TRIM72: variants seen among roughly 807,000 people sequenced by gnomAD.
The protein encoded by TRIM72 is tripartite motif-containing protein 72.
TRIM72 carries 33 observed loss-of-function variants against 31.6 expected under a neutral mutation model. The ratio of observed to expected loss-of-function variants is 1.04; its 90% CI spans 0.79 to 1.40. The LOEUF is 1.40. Among genes scored for constraint, TRIM72 ranks in the 40% most tolerant of loss-of-function variants. TRIM72 has a pLI of 0.00. For synonymous variants in TRIM72, 301 were observed against 314.4 expected (o/e 0.96, Z 0.45); for missense variants, 666 against 682.7 (o/e 0.98, Z 0.27).
At chr16:31,220,869 C>T (rs2079530393) in intron 4 of TRIM72, 27 bp from the exon 5 acceptor site, 2 of 1,614,138 alleles carry the variant, frequency 1.2e-6, no homozygotes, top group East Asian at 4.5e-5. Flanking sequence ...TCGGCTTCAC[C>T]ACCATTCTCT....
At position 31,224,892 on chromosome 16, in the gene TRIM72, C is replaced by T. The variant is rs1449371944; in HGVS notation, c.*137C>T. On this transcript the variant is annotated 3_prime_UTR_variant, in exon 7 of 7. Transcript: ENST00000322122. ...GGGAACTGGGGGATCTCCCAGAATA[C>T]TGACAAGCGTGGGGTAGGACTGGCT... 6 of 914,850 alleles carry T rather than the reference C, an allele frequency of 6.6e-6. No homozygotes were observed. Among genetic ancestry groups the T allele is most frequent in the African/African-American group, 1.7e-5 (1 of 57,824 alleles). The allele number at this position is 914,850 out of a possible 1,614,324, so 56.7% of individuals were successfully genotyped here. A position where few individuals can be genotyped will look rare whatever the true frequency, so the allele number is the denominator to read the frequency against.
chr16:31,217,246 G>A (rs2079514576), intron 2 of TRIM72: 4 of 578,942 alleles, frequency 6.9e-6, no homozygotes, highest in Non-Finnish European at 1.2e-5. Flanking sequence ...CCAAATTGTT[G>A]AGGTGGGGAT....
At chr16:31,223,646 G>A (rs2079543012) in intron 6 of TRIM72, among the ~76,000 whole-genome samples, 1 of 152,142 alleles carries the variant, frequency 6.6e-6, no homozygotes, top group Non-Finnish European at 1.5e-5. Context: ...GCTCACGCTT[G>A]TAATCCCAGA....
At position 31,216,933 on chromosome 16, in the gene TRIM72, C is replaced by T. The variant is rs140415359; in HGVS notation, c.390+1805C>T. 48 of 1,614,036 alleles carry T rather than the reference C, an allele frequency of 3.0e-5. No individual in the cohort carries two copies. In the African/African-American group the frequency reaches 4.4e-4, roughly 15 times the overall value. ...GCGGGATGCGCTCAAAGCCCTCGCG[C>T]AGCGGCACCGTCCCCAGCTTCATCT... On this transcript the variant is annotated intron_variant, in intron 2 of 6. Coordinates refer to ENST00000322122, the MANE Select transcript of TRIM72 (RefSeq NM_001008274.4). This position sits in a 1 kb window ranked among gnomAD's most constrained non-coding sequence, Gnocchi z 6.7.
rs1309977644 is a variant in TRIM72 at position 31,219,124 on chromosome 16, G to A, written c.420G>A (p.Leu140=). 6.3e-7 allele frequency: 1 copy of A among 1,592,386 alleles called. No individual in the cohort carries two copies. Among genetic ancestry groups the A allele is most frequent in the Non-Finnish European group, 8.6e-7 (1 of 1,169,280 alleles). Residue 140 remains leucine, a synonymous_variant, in exon 3 of 7, where the codon CTG becomes CTA. Coordinates refer to ENST00000322122, the MANE Select transcript of TRIM72 (RefSeq NM_001008274.4). This position sits in a 1 kb window ranked among gnomAD's most constrained non-coding sequence, Gnocchi z 4.2. ...KTQLPQQKLQ[L]QEACMRKEKS... ...AGCTGCCACAGCAGAAACTGCAGCT[G>A]CAGGAGGCATGCATGCGCAAGGAGA...
chr16:31,216,920 C>T lies in TRIM72; in HGVS notation c.390+1792C>T. ...CCGAGCGCGCCCCGCGGGATGCGCT[C>T]AAAGCCCTCGCGCAGCGGCACCGTC... On this transcript the variant is annotated intron_variant, in intron 2 of 6. Coordinates refer to ENST00000322122, the MANE Select transcript of TRIM72 (RefSeq NM_001008274.4). The surrounding 1 kb of genome is among the most constrained non-coding windows in gnomAD (Gnocchi z 6.7). The T allele has an allele frequency of 6.2e-7, 1 of 1,614,126 alleles. No homozygotes were observed. Among genetic ancestry groups the T allele is most frequent in the Non-Finnish European group, 8.5e-7 (1 of 1,180,032 alleles).
At position 31,214,879 on chromosome 16, in the gene TRIM72, G is replaced by A. The variant is rs1432627388; in HGVS notation, c.141G>A (p.Ala47=). Residue 47 remains alanine, a synonymous_variant, in exon 2 of 7, where the codon GCG becomes GCA. Transcript: ENST00000322122. ...GCCGCGTGGCCGGGGAGCCGGCGGC[G>A]GATGGCACCGTTCTCTGCCCCTGCT... is the stretch of plus-strand genomic sequence containing the variant. ...CLGRVAGEPA[A]DGTVLCPCCQ... 2.6e-6 allele frequency: 4 copies of A among 1,528,514 alleles called. No homozygotes were observed. Among genetic ancestry groups the A allele is most frequent in the Non-Finnish European group, 3.5e-6 (4 of 1,145,710 alleles). 94.7% of individuals were successfully genotyped at this position (1,528,514 alleles called of 1,614,324 possible). A position where few individuals can be genotyped will look rare whatever the true frequency, so the allele number is the denominator to read the frequency against.
Position 31,224,424 on chromosome 16 carries a change from G to C in TRIM72, c.1103G>C (p.Arg368Pro), listed in dbSNP as rs1234344465. The part of the protein sequence containing the change: ...ALGVIAAEAP[R>P]RGRLHAVPSQ... The stretch of plus-strand genomic sequence containing the variant: ...GGCGTGATCGCGGCCGAGGCCCCCC[G>C]CCGCGGGCGCCTGCACGCGGTGCCC... The change falls in exon 7 of 7, where the codon CGC (arginine) becomes CCC (proline). Residue 368 changes from arginine to proline, a missense_variant. Coordinates refer to ENST00000322122, the MANE Select transcript of TRIM72 (RefSeq NM_001008274.4). The C allele has an allele frequency of 4.2e-6, 6 of 1,420,304 alleles. No homozygotes were observed. The highest frequency in any genetic ancestry group is 3.4e-5 in the Admixed American group (1 of 29,114). The allele number at this position is 1,420,304 out of a possible 1,614,324, so 88.0% of individuals were successfully genotyped here.
intron 5 of TRIM72, among the ~76,000 whole-genome samples, chr16:31,222,068 T>C (rs2079536701): frequency 6.6e-6 from 1 of 152,108 alleles, no homozygotes; most frequent in Non-Finnish European, 1.5e-5. Context: ...GCTGAGAGGC[T>C]TGGACCTTAT....
rs1334866602 is a variant in TRIM72 at position 31,220,792 on chromosome 16, T to C, written c.718-104T>C. On this transcript the variant is annotated intron_variant, in intron 4 of 6. Coordinates refer to ENST00000322122, the MANE Select transcript of TRIM72 (RefSeq NM_001008274.4). Reference sequence around the variant, plus strand: ...GGCCTCTTTTAGCTTTTCTGATTCTTTCTGACGTTGCACTCAGCATTCCTA... The same window carrying C: ...GGCCTCTTTTAGCTTTTCTGATTCTCTCTGACGTTGCACTCAGCATTCCTA... 4.1e-6 allele frequency: 6 copies of C among 1,454,770 alleles called. No homozygotes were observed. In the East Asian group the frequency reaches 1.4e-4, roughly 33 times the overall value. The allele number at this position is 1,454,770 out of a possible 1,614,324, so 90.1% of individuals were successfully genotyped here.
chr16:31,217,254 G>C (rs953701274), intron 2 of TRIM72: 23 of 570,516 alleles, frequency 4.0e-5, no homozygotes, highest in Non-Finnish European at 6.5e-5. Context: ...TTGAGGTGGG[G>C]ATTGCTGTTC....
rs200219183 is a variant in TRIM72, at chr16:31,222,899, C to T, written c.813C>T (p.Asp271=). ...LDIQLPIISD[D]FKFQVWRKMF... Reference sequence around the variant, plus strand: ...TCCAGCTGCCAATTATCTCAGATGACTTCAAATTCCAGGTGTGGAGGAAGA... The same window carrying T: ...TCCAGCTGCCAATTATCTCAGATGATTTCAAATTCCAGGTGTGGAGGAAGA... Residue 271 remains aspartate (D), a synonymous_variant, in exon 6 of 7, where the codon GAC becomes GAT. Transcript: ENST00000322122. 2.3e-4 allele frequency: 359 copies of T among 1,553,706 alleles called. 4 individuals are homozygous for T. Among genetic ancestry groups the T allele is most frequent in the Non-Finnish European group, 3.8e-5 (44 of 1,153,352 alleles).
Position 31,216,805 on chromosome 16 carries a change from T to C in TRIM72, c.390+1677T>C. The C allele has an allele frequency of 6.2e-7, 1 of 1,611,244 alleles. No homozygotes were observed. The highest frequency in any genetic ancestry group is 8.5e-7 in the Non-Finnish European group (1 of 1,178,112). On this transcript the variant is annotated intron_variant, in intron 2 of 6. Coordinates refer to ENST00000322122, the MANE Select transcript of TRIM72 (RefSeq NM_001008274.4). This position sits in a 1 kb window ranked among gnomAD's most constrained non-coding sequence, Gnocchi z 6.7. ...TGCGGCCTCCTCCAACATGCGCATG[T>C]CGCGCAGCACGGCCACGACGAGCTC...
Position 31,224,703 on chromosome 16 carries a change from G to T in TRIM72, c.1382G>T (p.Gly461Val), listed in dbSNP as rs2144200265. ...PFFDVCWHDKGKNAQPLLLVG... is the reference protein window; with the variant it reads ...PFFDVCWHDKVKNAQPLLLVG... ...TTCGACGTGTGCTGGCACGACAAGG[G>T]CAAGAATGCCCAGCCGCTGCTGCTC... The change falls in exon 7 of 7, where the codon GGC (glycine) becomes GTC (valine). Residue 461 changes from glycine to valine, a missense_variant. By Grantham distance (109) the Gly-to-Val change is moderately radical (BLOSUM62 -3). Coordinates refer to ENST00000322122, the MANE Select transcript of TRIM72 (RefSeq NM_001008274.4). The T allele has an allele frequency of 6.5e-7, 1 of 1,536,314 alleles. No homozygotes were observed. Among genetic ancestry groups the T allele is most frequent in the East Asian group, 2.5e-5 (1 of 40,540 alleles).
Position 31,215,137 on chromosome 16 carries a change from TC to T in TRIM72, c.390+11del, listed in dbSNP as rs1423848564. ...CCCACGCACGCCTCAAGGTGCGGGA[TC>T]CGCGCGCATCGTGGTCGGAGGGGCT... is the stretch of plus-strand genomic sequence containing the variant. On this transcript the variant is annotated intron_variant, in intron 2 of 6. Coordinates refer to ENST00000322122, the MANE Select transcript of TRIM72 (RefSeq NM_001008274.4). This position sits in a 1 kb window ranked among gnomAD's most constrained non-coding sequence, Gnocchi z 6.3. The T allele has an allele frequency of 7.0e-7, 1 of 1,432,270 alleles. No individual in the cohort carries two copies. The highest frequency in any genetic ancestry group is 9.1e-7 in the Non-Finnish European group (1 of 1,102,088). The allele number at this position is 1,432,270 out of a possible 1,614,324, so 88.7% of individuals were successfully genotyped here. A position where few individuals can be genotyped will look rare whatever the true frequency, so the allele number is the denominator to read the frequency against.
intron 4 of TRIM72, among the ~76,000 whole-genome samples, chr16:31,220,196 C>T (rs2079527272): frequency 6.6e-6 from 1 of 151,854 alleles, no homozygotes. Context: ...CAGGCGCTTA[C>T]CTGGCTAGTT....
intron 6 of TRIM72, among the ~76,000 whole-genome samples, chr16:31,223,187 G>A (rs550239889): frequency 9.2e-5 from 14 of 152,304 alleles, no homozygotes; most frequent in East Asian, 5.8e-4. Context: ...GGCACGGGAC[G>A]CTGGGGCCTA....
At chr16:31,223,222 T>C (rs1253812279) in intron 6 of TRIM72, among the ~76,000 whole-genome samples, 1 of 152,168 alleles carries the variant, frequency 6.6e-6, no homozygotes, top group Non-Finnish European at 1.5e-5. Context: ...ACTTGCTGTG[T>C]GATCCTTGGT....
In TRIM72 at chr16:31,226,462, T is replaced by G. The variant is rs997737980; in HGVS notation, c.*1707T>G. ...CAGAAAAACAACAAAAAGAAGACAT[T>G]GGAAAATGGCTGGAGCTGATTCTAG... On this transcript the variant is annotated 3_prime_UTR_variant, in exon 7 of 7. Coordinates refer to ENST00000322122, the MANE Select transcript of TRIM72 (RefSeq NM_001008274.4). 9.9e-5 allele frequency: 15 copies of G among 151,958 alleles called. No homozygotes were observed. Among genetic ancestry groups the G allele is most frequent in the African/African-American group, 3.6e-4 (15 of 41,364 alleles). The allele number at this position is 151,958 out of a possible 1,614,324, so 9.4% of individuals were successfully genotyped here. A position where few individuals can be genotyped will look rare whatever the true frequency, so the allele number is the denominator to read the frequency against.
Sources: allele counts gnomAD v4.1 joint callset (sites outside exome capture counted in the v4.1 genomes callset), GRCh38; gene constraint gnomAD v4.1.1; non-coding constraint Gnocchi (gnomAD v3.1); transcripts MANE v1.5; gene names NCBI Gene and HGNC (gene_info 2026-07-23, HGNC 2026-07-21).